The following PNLIPRP3 variants were observed in gnomAD, a reference collection of about 807,000 sequenced individuals.
PNLIPRP3 encodes the protein pancreatic lipase-related protein 3.
In PNLIPRP3, 58 loss-of-function variants were observed where a neutral mutation model predicts 52.8. The ratio of observed to expected loss-of-function variants is 1.10; its 90% confidence interval spans 0.89 to 1.37. PNLIPRP3 has a LOEUF of 1.37. Among genes scored for constraint, PNLIPRP3 ranks in the 40% most tolerant of loss-of-function variants. The pLI, the probability that PNLIPRP3 is intolerant of heterozygous loss-of-function variation, is 0.00. For synonymous variants in PNLIPRP3, 192 were observed against 185.0 expected, an observed-to-expected ratio of 1.04 and a Z score of -0.31; for missense variants, 593 against 561.6, an observed-to-expected ratio of 1.06 and a Z score of -0.57.
rs1438796930 is a variant in PNLIPRP3, at chr10:116,444,412, A to T, written c.355A>T (p.Ile119Phe). 6.2e-7 allele frequency: 1 copy of T among 1,610,566 alleles called. No homozygotes were observed. The highest frequency in any genetic ancestry group is 2.2e-5 in the East Asian group (1 of 44,834). ...VLLQLEDINC[I>F]NLDWINGSRE... ...GCTACAGCTGGAAGATATAAATTGC[A>T]TTAATTTAGATTGGATCAACGGTTC... Residue 119 changes from isoleucine to phenylalanine, a missense_variant, in exon 4 of 12, where the codon ATT (isoleucine) becomes TTT (phenylalanine). Coordinates refer to ENST00000369230, the MANE Select transcript of PNLIPRP3 (RefSeq NM_001011709.3).
intron 4 of PNLIPRP3, among the ~76,000 whole-genome samples, chr10:116,449,375 G>T (rs1344888696): frequency 9.2e-5 from 14 of 152,256 alleles, no homozygotes; most frequent in Non-Finnish European, 1.8e-4. Flanking sequence ...GACACACATA[G>T]GTTTAAAGTG....
intron 9 of PNLIPRP3, among the ~76,000 whole-genome samples, chr10:116,470,477 G>A (rs1014705512): frequency 6.6e-6 from 1 of 151,416 alleles, no homozygotes; most frequent in Admixed American, 6.6e-5. Context: ...CAGGAAGAGA[G>A]GAGACATACA....
At chr10:116,445,751 T>G (rs1845939467) in intron 4 of PNLIPRP3, among the ~76,000 whole-genome samples, 1 of 152,056 alleles carries the variant, frequency 6.6e-6, no homozygotes, top group Non-Finnish European at 1.5e-5. Context: ...AGCCTTGAAG[T>G]GGGAAAAGGG....
intron 2 of PNLIPRP3, chr10:116,439,678 G>A: frequency 1.3e-6 from 1 of 765,928 alleles, no homozygotes; most frequent in Non-Finnish European, 2.4e-6. Context: ...CAGCTTTTTT[G>A]CCACGTCTCC....
At chr10:116,455,098 G>T (rs1369027533) in intron 4 of PNLIPRP3, among the ~76,000 whole-genome samples, 1 of 152,126 alleles carries the variant, frequency 6.6e-6, no homozygotes, top group Non-Finnish European at 1.5e-5. Flanking sequence ...ATCTCATTGT[G>T]ATGTTGATTT....
intron 1 of PNLIPRP3, among the ~76,000 whole-genome samples, chr10:116,429,071 C>T (rs1845674546): frequency 6.6e-6 from 1 of 152,092 alleles, no homozygotes; most frequent in Non-Finnish European, 1.5e-5. Flanking sequence ...AGTTGACCAT[C>T]TCGAATCCAA....
At position 116,446,345 on chromosome 10, in the gene PNLIPRP3, C is replaced by CAA. The variant is rs35901373; in HGVS notation, c.456+1858_456+1859dup. ...TGGGCCAGAGTGCGACGCTGCGTCT[C>CAA]AAAAAAAAAAAAAAAAAAAAAAAAA... On this transcript the variant is annotated intron_variant, in intron 4 of 11. Coordinates refer to ENST00000369230, the MANE Select transcript of PNLIPRP3 (RefSeq NM_001011709.3). 9.9e-4 allele frequency among the ~76,000 whole-genome samples: 65 copies of CAA among 65,908 alleles called. 2 individuals are homozygous for CAA. In the East Asian group the frequency reaches 0.013, roughly 13 times the overall value. 43.2% of individuals were successfully genotyped at this position (65,908 alleles called of 152,430 possible).
intron 1 of PNLIPRP3, among the ~76,000 whole-genome samples, chr10:116,433,006 C>T (rs1025280138): frequency 3.4e-5 from 5 of 147,020 alleles, no homozygotes; most frequent in Non-Finnish European, 4.5e-5. Flanking sequence ...CCCAGCTACG[C>T]GGGAGGCTGA....
In PNLIPRP3 at chr10:116,427,850, T is replaced by G; in HGVS notation, c.-163T>G. 1 of 587,028 alleles carries G rather than the reference T, an allele frequency of 1.7e-6. No individual in the cohort carries two copies. Among genetic ancestry groups the G allele is most frequent in the Non-Finnish European group, 3.1e-6 (1 of 326,106 alleles). The allele number at this position is 587,028 out of a possible 1,614,324, so 36.4% of individuals were successfully genotyped here. ...TAAGGCACACCCCGATAATTTTATT[T>G]ACTTTGCAGAGCATAAGGTGGAATA... On this transcript the variant is annotated 5_prime_UTR_variant, in exon 1 of 12. Transcript: ENST00000369230.
chr10:116,451,311 T>C (rs1846034837), intron 4 of PNLIPRP3, among the ~76,000 whole-genome samples: 1 of 152,090 alleles, frequency 6.6e-6, no homozygotes. Context: ...ACATAACACC[T>C]AAAACTATAA....
At chr10:116,467,217 C>T (rs1846294060) in intron 8 of PNLIPRP3, among the ~76,000 whole-genome samples, 1 of 152,104 alleles carries the variant, frequency 6.6e-6, no homozygotes, top group African/African-American at 2.4e-5. Context: ...TTGTACTGTA[C>T]CCTAATAGTC....
intron 4 of PNLIPRP3, among the ~76,000 whole-genome samples, chr10:116,447,075 GACAA>G (rs1001478216): frequency 9.9e-5 from 15 of 152,144 alleles, no homozygotes; most frequent in African/African-American, 3.6e-4. Flanking sequence ...GCTCAGTGCA[GACAA>G]ACAAAGTGAT....
At chr10:116,436,052 C>A (rs1324079118) in intron 1 of PNLIPRP3, among the ~76,000 whole-genome samples, 2 of 152,296 alleles carry the variant, frequency 1.3e-5, no homozygotes, top group East Asian at 3.9e-4. Flanking sequence ...TGTATATGGT[C>A]AACTAGTCTT....
chr10:116,456,756 G>A (rs1366848322), intron 5 of PNLIPRP3, among the ~76,000 whole-genome samples: 2 of 152,168 alleles, frequency 1.3e-5, no homozygotes, highest in East Asian at 3.9e-4. Context: ...AACAGGCGGG[G>A]CTGGCCTCTC....
At chr10:116,471,666 C>A in intron 9 of PNLIPRP3, 102 bp from the exon 10 acceptor site, 1 of 922,352 alleles carries the variant, frequency 1.1e-6, no homozygotes, top group Non-Finnish European at 1.8e-6. Flanking sequence ...TGTTCAAATA[C>A]AACCCTGAAA....
At chr10:116,460,844 G>C in intron 5 of PNLIPRP3, 122 bp from the exon 6 acceptor site, 1 of 1,340,152 alleles carries the variant, frequency 7.5e-7, no homozygotes, top group Non-Finnish European at 1.0e-6. Context: ...TTATGTATCT[G>C]TACTTTTTCC....
chr10:116,428,438 G>T (rs145333497), intron 1 of PNLIPRP3, among the ~76,000 whole-genome samples: 9 of 152,064 alleles, frequency 5.9e-5, no homozygotes, highest in Non-Finnish European at 1.2e-4. Context: ...TCTAAGAAGG[G>T]TACATAGTAA....
At chr10:116,454,961 A>G (rs1190370757) in intron 4 of PNLIPRP3, among the ~76,000 whole-genome samples, 1 of 152,198 alleles carries the variant, frequency 6.6e-6, no homozygotes, top group Non-Finnish European at 1.5e-5. Flanking sequence ...AGGCACCTCC[A>G]TATTATTCTC....
chr10:116,427,897 G>C lies in PNLIPRP3; in HGVS notation c.-116G>C. 1.3e-6 allele frequency: 1 copy of C among 785,522 alleles called. No individual in the cohort carries two copies. Among genetic ancestry groups the C allele is most frequent in the Non-Finnish European group, 2.2e-6 (1 of 449,790 alleles). 48.7% of individuals were successfully genotyped at this position (785,522 alleles called of 1,614,324 possible). A position where few individuals can be genotyped will look rare whatever the true frequency, so the allele number is the denominator to read the frequency against. On this transcript the variant is annotated 5_prime_UTR_variant, in exon 1 of 12. Coordinates refer to ENST00000369230, the MANE Select transcript of PNLIPRP3 (RefSeq NM_001011709.3). ...AATAACATGTTCTTTTAAACGTAGAGTTTAAACATTGAGTTGCATCATTGT... is the reference window on the plus strand; with the variant it reads ...AATAACATGTTCTTTTAAACGTAGACTTTAAACATTGAGTTGCATCATTGT...
Sources: gnomAD v4.1 joint callset for allele counts (sites outside exome capture counted in the v4.1 genomes callset) on GRCh38, gnomAD v4.1.1 for gene constraint, MANE v1.5 for transcripts, NCBI Gene and HGNC (gene_info 2026-07-23, HGNC 2026-07-21) for gene names.